PDSS2: variants seen among roughly 807,000 people sequenced by gnomAD.
PDSS2 encodes the protein all trans-polyprenyl-diphosphate synthase PDSS2.
A neutral mutation model predicts 44.5 loss-of-function variants in PDSS2; 31 were observed. The observed-to-expected ratio is 0.70, with a 90% CI of 0.52 to 0.94. The LOEUF (loss-of-function observed/expected upper bound fraction) is 0.94, where lower values mean the gene tolerates loss of function less well. Among genes scored for constraint, PDSS2 ranks in the 40% least tolerant of loss-of-function variants. PDSS2 has a pLI of 0.00. For synonymous variants in PDSS2, 157 were observed against 180.3 expected (o/e 0.87, Z 1.03); for missense variants, 452 against 482.2 (o/e 0.94, Z 0.59).
chr6:107,231,269 C>T (rs1464097230), intron 4 of PDSS2, among the ~76,000 whole-genome samples: 2 of 152,076 alleles, frequency 1.3e-5, no homozygotes. Context: ...AGGGGCTTAG[C>T]ATCAAAATAA....
At chr6:107,208,047 C>T (rs1382488769) in intron 6 of PDSS2, among the ~76,000 whole-genome samples, 2 of 119,362 alleles carry the variant, frequency 1.7e-5, no homozygotes, top group East Asian at 2.9e-4. Flanking sequence ...AGTACGGTGG[C>T]GCAATCTTGG....
chr6:107,185,272 T>C (rs1237686577), intron 7 of PDSS2, among the ~76,000 whole-genome samples: 1 of 152,136 alleles, frequency 6.6e-6, no homozygotes, highest in Non-Finnish European at 1.5e-5. Context: ...TCAAAGCTCA[T>C]TTACGGCACA....
intron 1 of PDSS2, among the ~76,000 whole-genome samples, chr6:107,442,581 C>T (rs1781543022): frequency 6.6e-6 from 1 of 152,176 alleles, no homozygotes; most frequent in Admixed American, 6.5e-5. Context: ...TTAGTGTTTA[C>T]CTCCTGTAGG....
chr6:107,332,808 T>C (rs549443167), intron 2 of PDSS2, among the ~76,000 whole-genome samples: 25 of 152,376 alleles, frequency 1.6e-4, no homozygotes, highest in African/African-American at 5.8e-4. Context: ...GTCATAAAAA[T>C]GCTTAGTAAC....
intron 2 of PDSS2, among the ~76,000 whole-genome samples, chr6:107,307,780 GA>G (rs1425941663): frequency 6.6e-6 from 1 of 151,980 alleles, no homozygotes; most frequent in Non-Finnish European, 1.5e-5. Flanking sequence ...TTTTAAAAAG[GA>G]AACCAGCTTC....
intron 1 of PDSS2, among the ~76,000 whole-genome samples, chr6:107,393,563 TA>T (rs1247522639): frequency 1.3e-5 from 2 of 152,202 alleles, no homozygotes; most frequent in Non-Finnish European, 2.9e-5. Flanking sequence ...CTATGAATTT[TA>T]TGTATACTTG....
chr6:107,290,541 T>C (rs952345224), intron 2 of PDSS2, among the ~76,000 whole-genome samples: 1 of 152,172 alleles, frequency 6.6e-6, no homozygotes, highest in Non-Finnish European at 1.5e-5. Flanking sequence ...CCCGCCTCTC[T>C]GACTTCATTC....
intron 4 of PDSS2, among the ~76,000 whole-genome samples, chr6:107,227,136 C>T (rs1457953607): frequency 1.3e-5 from 2 of 151,812 alleles, no homozygotes; most frequent in Non-Finnish European, 2.9e-5. Context: ...CCCGCCACCA[C>T]ATCTGGCTAA....
intron 1 of PDSS2, among the ~76,000 whole-genome samples, chr6:107,340,954 G>T (rs1778060453): frequency 6.6e-6 from 1 of 152,196 alleles, no homozygotes; most frequent in Non-Finnish European, 1.5e-5. Flanking sequence ...CAGGTTTAGA[G>T]TCTGGACTTA....
chr6:107,442,277 C>G (rs1161111751), intron 1 of PDSS2, among the ~76,000 whole-genome samples: 1 of 152,040 alleles, frequency 6.6e-6, no homozygotes, highest in Admixed American at 6.6e-5. Context: ...ATTAGCCAGG[C>G]ATGGTGGCAC....
chr6:107,427,679 G>C (rs1781048730), intron 1 of PDSS2, among the ~76,000 whole-genome samples: 1 of 152,118 alleles, frequency 6.6e-6, no homozygotes. Flanking sequence ...TCTCCCTATT[G>C]TTTGTCATTC....
intron 4 of PDSS2, among the ~76,000 whole-genome samples, chr6:107,236,200 G>C (rs1774216634): frequency 6.6e-6 from 1 of 152,128 alleles, no homozygotes; most frequent in African/African-American, 2.4e-5. Context: ...AATAATAAAA[G>C]CAAGAAGACA....
At chr6:107,396,152 A>G (rs1399467442) in intron 1 of PDSS2, among the ~76,000 whole-genome samples, 2 of 151,958 alleles carry the variant, frequency 1.3e-5, no homozygotes, top group Non-Finnish European at 2.9e-5. Flanking sequence ...GTTTTTGCAC[A>G]CTCCATGGAA....
chr6:107,254,268 G>A (rs1191595771), intron 3 of PDSS2, among the ~76,000 whole-genome samples: 4 of 151,788 alleles, frequency 2.6e-5, no homozygotes, highest in South Asian at 2.1e-4. Context: ...ACCTGACCTC[G>A]TGATCTGCCC....
intron 2 of PDSS2, among the ~76,000 whole-genome samples, chr6:107,279,702 A>G (rs1775897146): frequency 6.6e-6 from 1 of 152,234 alleles, no homozygotes; most frequent in Admixed American, 6.5e-5. Flanking sequence ...ATTTAAAAAA[A>G]TGATTACTAT....
At chr6:107,404,109 A>G (rs1780232858) in intron 1 of PDSS2, among the ~76,000 whole-genome samples, 1 of 152,186 alleles carries the variant, frequency 6.6e-6, no homozygotes, top group Non-Finnish European at 1.5e-5. Context: ...TCTCAAGTTC[A>G]AAGTTCCATA....
chr6:107,449,512 T>A (rs561249350), intron 1 of PDSS2, among the ~76,000 whole-genome samples: 2 of 152,324 alleles, frequency 1.3e-5, no homozygotes, highest in East Asian at 3.9e-4. Flanking sequence ...ATTTGACTAC[T>A]CTAGACACTT....
At chr6:107,362,379 G>A (rs6933187) in intron 1 of PDSS2, among the ~76,000 whole-genome samples, 15,681 of 152,230 alleles carry the variant, frequency 0.1, 965 homozygotes, top group South Asian at 0.19. Context: ...CGTAACTTCT[G>A]ACCAGTCTTT....
At chr6:107,219,319 G>A (rs1773521671) in intron 4 of PDSS2, among the ~76,000 whole-genome samples, 1 of 151,948 alleles carries the variant, frequency 6.6e-6, no homozygotes. Flanking sequence ...ATGGAGTCTT[G>A]CTCTGTCACC....
Sources: gnomAD v4.1 joint callset for allele counts (sites outside exome capture counted in the v4.1 genomes callset) on GRCh38, gnomAD v4.1.1 for gene constraint, MANE v1.5 for transcripts, NCBI Gene and HGNC (gene_info 2026-07-23, HGNC 2026-07-21) for gene names.